CNTNAP2: variants seen among roughly 807,000 people sequenced by gnomAD.
CNTNAP2 encodes the protein contactin-associated protein-like 2.
In CNTNAP2, 98 loss-of-function variants were observed where a neutral mutation model predicts 155.2. The ratio of observed to expected loss-of-function variants is 0.63; its 90% CI spans 0.54 to 0.75. The LOEUF (loss-of-function observed/expected upper bound fraction) is 0.75, where lower values mean the gene tolerates loss of function less well. Ranked by LOEUF, CNTNAP2 falls within the 30% of genes least tolerant of loss-of-function variation. CNTNAP2 has a pLI of 0.00. For missense variants in CNTNAP2, 1,727 were observed against 1,688.1 expected (o/e 1.02, Z -0.40); for synonymous variants, 651 against 631.2 (o/e 1.03, Z -0.47).
chr7:146,544,020 G>A (rs1048730436), intron 1 of CNTNAP2, among the ~76,000 whole-genome samples: 2 of 151,916 alleles, frequency 1.3e-5, no homozygotes, highest in Non-Finnish European at 2.9e-5. Context: ...TATGTGGGCT[G>A]CTGACTAAAG....
intron 13 of CNTNAP2, among the ~76,000 whole-genome samples, chr7:147,651,628 C>T (rs956720604): frequency 2.6e-5 from 4 of 152,204 alleles, no homozygotes; most frequent in African/African-American, 7.2e-5. Flanking sequence ...CCTATCTTTT[C>T]ATTTCTAATG....
chr7:148,129,778 A>G (rs1804789962), intron 16 of CNTNAP2, among the ~76,000 whole-genome samples: 1 of 152,236 alleles, frequency 6.6e-6, no homozygotes, highest in African/African-American at 2.4e-5. Flanking sequence ...GTCTACCATG[A>G]ACAATTCGGC....
At chr7:148,395,889 C>T (rs905390449) in intron 22 of CNTNAP2, among the ~76,000 whole-genome samples, 4 of 152,162 alleles carry the variant, frequency 2.6e-5, no homozygotes, top group Admixed American at 1.3e-4. Flanking sequence ...TTTTCCCCTG[C>T]CGCGAATTTC....
intron 1 of CNTNAP2, among the ~76,000 whole-genome samples, chr7:146,146,837 T>A (rs1185889835): frequency 6.6e-6 from 1 of 152,206 alleles, no homozygotes; most frequent in Admixed American, 6.6e-5. Context: ...TTATATGCAC[T>A]GTAGAGTTCT....
intron 13 of CNTNAP2, among the ~76,000 whole-genome samples, chr7:147,716,094 T>A (rs951761987): frequency 5.9e-5 from 9 of 152,276 alleles, no homozygotes; most frequent in African/African-American, 2.2e-4. Context: ...TGGTTAAATA[T>A]GGATCAGGAA....
chr7:147,996,058 C>T lies in CNTNAP2; in HGVS notation c.2383+18069C>T, dbSNP rs112407279. On this transcript the variant is annotated intron_variant, in intron 15 of 23. Coordinates refer to ENST00000361727, the MANE Select transcript of CNTNAP2 (RefSeq NM_014141.6). ...CTGTGAGGGTCACACACCTATGTTT[C>T]TACGTGCTAGCGAAAGCACAAGGTC... is the stretch of plus-strand genomic sequence containing the variant. Among the ~76,000 whole-genome samples, 73 of 152,328 alleles carry T rather than the reference C, an allele frequency of 4.8e-4. 1 individual carries two copies. Among genetic ancestry groups the T allele is most frequent in the African/African-American group, 1.5e-3 (63 of 41,568 alleles).
intron 3 of CNTNAP2, among the ~76,000 whole-genome samples, chr7:146,932,658 C>A (rs1437580378): frequency 6.6e-6 from 1 of 152,166 alleles, no homozygotes; most frequent in Non-Finnish European, 1.5e-5. Flanking sequence ...TCCCTGCTTG[C>A]AGATGACATG....
At chr7:147,894,917 A>G (rs942267754) in intron 13 of CNTNAP2, among the ~76,000 whole-genome samples, 2 of 150,908 alleles carry the variant, frequency 1.3e-5, no homozygotes, top group African/African-American at 2.4e-5. Flanking sequence ...AAAATAAATA[A>G]CAGAAATCTA....
chr7:146,861,702 C>A (rs1008850038), intron 3 of CNTNAP2, among the ~76,000 whole-genome samples: 3 of 152,104 alleles, frequency 2.0e-5, no homozygotes, highest in Non-Finnish European at 2.9e-5. Context: ...TTCTCAGTAT[C>A]CTACAGGCCT....
intron 1 of CNTNAP2, among the ~76,000 whole-genome samples, chr7:146,582,529 A>T (rs904428963): frequency 2.6e-5 from 4 of 152,178 alleles, no homozygotes; most frequent in Non-Finnish European, 4.4e-5. Context: ...GTGATTTATA[A>T]CGCAAGCCCT....
chr7:147,299,427 TTTGC>T (rs1318339663), intron 8 of CNTNAP2, among the ~76,000 whole-genome samples: 1 of 139,408 alleles, frequency 7.2e-6, no homozygotes, highest in Non-Finnish European at 1.5e-5. Flanking sequence ...CTTGATTTAT[TTTGC>T]TGTTTTTTTT....
intron 11 of CNTNAP2, chr7:147,497,072 T>G (rs1406251344): frequency 2.6e-5 from 4 of 152,246 alleles, no homozygotes; most frequent in Non-Finnish European, 5.9e-5. Context: ...TGCTTGACTT[T>G]TGGGGTATTC....
At chr7:147,618,888 T>A (rs960705223) in intron 12 of CNTNAP2, among the ~76,000 whole-genome samples, 2 of 152,126 alleles carry the variant, frequency 1.3e-5, no homozygotes, top group African/African-American at 2.4e-5. Flanking sequence ...TACAGATATG[T>A]TGAGAATATG....
At position 147,562,319 on chromosome 7, in the gene CNTNAP2, C is replaced by T. The variant is rs550247865; in HGVS notation, c.1897+62C>T. On this transcript the variant is annotated intron_variant, in intron 12 of 23. Coordinates refer to ENST00000361727, the MANE Select transcript of CNTNAP2 (RefSeq NM_014141.6). The stretch of plus-strand genomic sequence containing the variant: ...TTCTATATGTCACGAATAAGTAGTT[C>T]CACCAATGGTTTGTTTCTTTGGTGC... The T allele has an allele frequency of 2.5e-6, 4 of 1,602,148 alleles. No homozygotes were observed. The Admixed American group carries it at 5.0e-5, about 20-fold the overall frequency.
Position 146,369,044 on chromosome 7 carries a change from T to C in CNTNAP2, c.97+252071T>C, listed in dbSNP as rs963487142. ...AAAGCATTATGTATATATATATATA[T>C]ATATATACATATATATATATACTCA... On this transcript the variant is annotated intron_variant, in intron 1 of 23. Transcript: ENST00000361727. Among the ~76,000 whole-genome samples, 279 of 123,682 alleles carry C rather than the reference T, an allele frequency of 2.3e-3. 1 individual carries two copies. The highest frequency in any genetic ancestry group is 8.1e-3 in the African/African-American group (268 of 32,972). The allele number at this position is 123,682 out of a possible 152,430, so 81.1% of individuals were successfully genotyped here.
rs1195705608 is a variant in CNTNAP2 at position 148,420,162 on chromosome 7, T to C, written c.*4546T>C. 2 of 152,186 alleles carry C rather than the reference T, an allele frequency of 1.3e-5. No individual in the cohort carries two copies. Among genetic ancestry groups the C allele is most frequent in the African/African-American group, 2.4e-5 (1 of 41,428 alleles). The allele number at this position is 152,186 out of a possible 1,614,324, so 9.4% of individuals were successfully genotyped here. A position where few individuals can be genotyped will look rare whatever the true frequency, so the allele number is the denominator to read the frequency against. Reference sequence around the variant, plus strand: ...CAACATAGCAAAAGGACAGAGAAATTAGAATTTTTTGTGCAGAAAGCCCTA... The same window carrying C: ...CAACATAGCAAAAGGACAGAGAAATCAGAATTTTTTGTGCAGAAAGCCCTA... On this transcript the variant is annotated 3_prime_UTR_variant, in exon 24 of 24. Coordinates refer to ENST00000361727, the MANE Select transcript of CNTNAP2 (RefSeq NM_014141.6).
At chr7:147,680,128 T>A (rs1355708402) in intron 13 of CNTNAP2, among the ~76,000 whole-genome samples, 1 of 151,838 alleles carries the variant, frequency 6.6e-6, no homozygotes, top group African/African-American at 2.4e-5. Context: ...TTTATTAGAC[T>A]TGCACAGATC....
chr7:147,524,003 T>C (rs2116711859), intron 11 of CNTNAP2, among the ~76,000 whole-genome samples: 1 of 152,290 alleles, frequency 6.6e-6, no homozygotes, highest in East Asian at 1.9e-4. Context: ...CCGTTGACAT[T>C]GCTTACCTCA....
intron 1 of CNTNAP2, among the ~76,000 whole-genome samples, chr7:146,327,837 T>C (rs987152400): frequency 4.6e-5 from 7 of 152,220 alleles, no homozygotes; most frequent in African/African-American, 1.7e-4. Flanking sequence ...TTCAAGACTT[T>C]GAATTGGTTT....
Sources: gnomAD v4.1 joint callset for allele counts (sites outside exome capture counted in the v4.1 genomes callset) on GRCh38, gnomAD v4.1.1 for gene constraint, MANE v1.5 for transcripts, NCBI Gene and HGNC (gene_info 2026-07-23, HGNC 2026-07-21) for gene names.